The following PELI2 variants were observed in gnomAD, a reference collection of about 807,000 sequenced individuals.
PELI2 encodes the protein pellino E3 ubiquitin protein ligase family member 2, also known as E3 ubiquitin-protein ligase pellino homolog 2.
PELI2 carries 23 observed loss-of-function variants against 42.3 expected under a neutral mutation model. The observed-to-expected ratio is 0.54, with a 90% CI of 0.39 to 0.77. PELI2 has a LOEUF of 0.77. PELI2 is among the 30% of genes least tolerant of loss of function. The probability of loss-of-function intolerance (pLI) is 0.00; values close to 1 mark genes in which losing one functional copy is unlikely to be tolerated. For synonymous variants in PELI2, 245 were observed against 212.2 expected (o/e 1.15, Z -1.34); for missense variants, 463 against 553.2 (o/e 0.84, Z 1.64).
At chr14:56,206,261 T>G (rs760232525) in intron 2 of PELI2, among the ~76,000 whole-genome samples, 19 of 152,238 alleles carry the variant, frequency 1.2e-4, no homozygotes, top group Non-Finnish European at 1.2e-4. Context: ...TTAGTAGAAT[T>G]AATCAGAAAA....
chr14:56,184,538 A>G (rs1297383185), intron 2 of PELI2, among the ~76,000 whole-genome samples: 1 of 152,068 alleles, frequency 6.6e-6, no homozygotes, highest in African/African-American at 2.4e-5. Flanking sequence ...TCAAAGCACC[A>G]TAGATTGAAG....
At chr14:56,175,586 C>T (rs1885345331) in intron 1 of PELI2, among the ~76,000 whole-genome samples, 1 of 152,126 alleles carries the variant, frequency 6.6e-6, no homozygotes, top group Admixed American at 6.6e-5. Context: ...TTAATTATTT[C>T]CAATAGGATT....
At chr14:56,181,966 A>G (rs1436514203) in intron 2 of PELI2, among the ~76,000 whole-genome samples, 1 of 152,172 alleles carries the variant, frequency 6.6e-6, no homozygotes. Flanking sequence ...TTATTCAACA[A>G]ATATTTATTC....
rs190050836 is a variant in PELI2, at chr14:56,175,086, T to G, written c.78-3249T>G. ...TCTTGGCTCACTGTAGTCTCCACTT[T>G]CCTGGCTCAAGTGATCTTCCCACCT... On this transcript the variant is annotated intron_variant, in intron 1 of 5. Coordinates refer to ENST00000267460, the MANE Select transcript of PELI2 (RefSeq NM_021255.3). Among the ~76,000 whole-genome samples the G allele has an allele frequency of 2.6e-5, 4 of 152,264 alleles. No individual in the cohort carries two copies. In the East Asian group the frequency reaches 7.7e-4, roughly 29 times the overall value.
chr14:56,238,367 A>G (rs1887866541), intron 2 of PELI2, among the ~76,000 whole-genome samples: 2 of 152,348 alleles, frequency 1.3e-5, no homozygotes, highest in Middle Eastern at 3.4e-3. Context: ...TATTAACTGC[A>G]TTAATTAGCA....
chr14:56,254,616 G>A (rs1169486643), intron 2 of PELI2, among the ~76,000 whole-genome samples: 2 of 152,102 alleles, frequency 1.3e-5, no homozygotes, highest in East Asian at 1.9e-4. Flanking sequence ...AAAAGCAATG[G>A]CAACAAAAGC....
intron 1 of PELI2, among the ~76,000 whole-genome samples, chr14:56,136,222 G>A (rs963435465): frequency 2.0e-5 from 3 of 152,144 alleles, no homozygotes; most frequent in African/African-American, 4.8e-5. Context: ...TAGATTCTGC[G>A]TATTTGAGTT....
At chr14:56,268,560 A>G (rs1418328539) in intron 2 of PELI2, among the ~76,000 whole-genome samples, 1 of 152,146 alleles carries the variant, frequency 6.6e-6, no homozygotes, top group Non-Finnish European at 1.5e-5. Flanking sequence ...ATTTCACAAG[A>G]ATGTTGCACC....
intron 2 of PELI2, among the ~76,000 whole-genome samples, chr14:56,259,648 A>G (rs1265348183): frequency 6.6e-6 from 1 of 152,150 alleles, no homozygotes; most frequent in African/African-American, 2.4e-5. Context: ...TTACTTGATA[A>G]AGGATGTTTT....
chr14:56,264,084 A>T (rs115560345), intron 2 of PELI2, among the ~76,000 whole-genome samples: 316 of 152,324 alleles, frequency 2.1e-3, no homozygotes, highest in African/African-American at 7.3e-3. Flanking sequence ...TTATTTGTAG[A>T]TGTATGCACG....
At chr14:56,250,051 C>T (rs1344052620) in intron 2 of PELI2, among the ~76,000 whole-genome samples, 1 of 152,186 alleles carries the variant, frequency 6.6e-6, no homozygotes. Flanking sequence ...AATGCCCTAT[C>T]CTCCTTACTG....
At chr14:56,218,652 G>A (rs1886999611) in intron 2 of PELI2, among the ~76,000 whole-genome samples, 1 of 152,120 alleles carries the variant, frequency 6.6e-6, no homozygotes, top group South Asian at 2.1e-4. Context: ...TGCGGGTAAT[G>A]CCTTAAGAAA....
At chr14:56,218,242 C>T (rs1326513487) in intron 2 of PELI2, among the ~76,000 whole-genome samples, 2 of 152,176 alleles carry the variant, frequency 1.3e-5, no homozygotes, top group African/African-American at 4.8e-5. Flanking sequence ...TAATGTAAAC[C>T]TTTTCTAAAA....
Position 56,125,534 on chromosome 14 carries a change from C to G in PELI2, c.77+6797C>G, listed in dbSNP as rs369207552. Among the ~76,000 whole-genome samples the G allele has an allele frequency of 3.3e-4, 50 of 152,162 alleles. 2 individuals carry two copies. The South Asian group carries it at 1.0e-2, about 30-fold the overall frequency. On this transcript the variant is annotated intron_variant, in intron 1 of 5. Transcript: ENST00000267460. ...ATAGTCCTGTGTCCTTTGAGAGTCC[C>G]CACTTCTTTCGGTTTTTACTTACTT...
chr14:56,154,690 C>G (rs1487779528), intron 1 of PELI2, among the ~76,000 whole-genome samples: 1 of 152,168 alleles, frequency 6.6e-6, no homozygotes, highest in East Asian at 1.9e-4. Context: ...ATTTTTTCCC[C>G]TTATAAACAG....
At chr14:56,191,421 A>T (rs913006161) in intron 2 of PELI2, among the ~76,000 whole-genome samples, 10 of 152,220 alleles carry the variant, frequency 6.6e-5, no homozygotes, top group African/African-American at 2.2e-4. Flanking sequence ...CAGGTGGGAA[A>T]ATGCAGTGTG....
At chr14:56,230,773 G>T (rs890919340) in intron 2 of PELI2, among the ~76,000 whole-genome samples, 49 of 152,172 alleles carry the variant, frequency 3.2e-4, no homozygotes, top group Non-Finnish European at 5.9e-4. Flanking sequence ...ATGTAAATGG[G>T]CTAAATGTTC....
intron 2 of PELI2, among the ~76,000 whole-genome samples, chr14:56,188,679 T>C (rs61989867): frequency 0.049 from 7,401 of 152,266 alleles, 244 homozygotes; most frequent in Middle Eastern, 0.075. Flanking sequence ...ATTTCAGGCA[T>C]AGCATTTGTT....
At chr14:56,291,475 T>C (rs1889828025) in intron 5 of PELI2, among the ~76,000 whole-genome samples, 1 of 152,184 alleles carries the variant, frequency 6.6e-6, no homozygotes, top group Non-Finnish European at 1.5e-5. Context: ...CGTATGCGTC[T>C]TACAGTGCAC....
Sources: gnomAD v4.1 joint callset for allele counts (sites outside exome capture counted in the v4.1 genomes callset) on GRCh38, gnomAD v4.1.1 for gene constraint, MANE v1.5 for transcripts, NCBI Gene and HGNC (gene_info 2026-07-23, HGNC 2026-07-21) for gene names.